The following ASZ1 variants were observed in gnomAD, a reference collection of about 807,000 sequenced individuals.
The protein encoded by ASZ1 is ankyrin repeat, SAM and basic leucine zipper domain-containing protein 1.
ASZ1 carries 67 observed loss-of-function variants against 61.8 expected under a neutral mutation model. The observed-to-expected ratio is 1.08, with a 90% CI of 0.89 to 1.33. ASZ1 has a LOEUF of 1.33. Ranked by LOEUF, ASZ1 falls within the 40% of genes most tolerant of loss-of-function variation. The probability of loss-of-function intolerance (pLI) is 0.00; values close to 1 mark genes in which losing one functional copy is unlikely to be tolerated. For synonymous variants in ASZ1, 193 were observed against 192.7 expected, an observed-to-expected ratio of 1.00 and a Z score of -0.01; for missense variants, 577 against 554.5, an observed-to-expected ratio of 1.04 and a Z score of -0.41.
At chr7:117,368,202 C>T (rs577750342) in intron 11 of ASZ1, 46 of 933,108 alleles carry the variant, frequency 4.9e-5, no homozygotes, top group African/African-American at 1.8e-5. Flanking sequence ...GTTGGGATTA[C>T]GGATGTGAGC....
intron 4 of ASZ1, among the ~76,000 whole-genome samples, chr7:117,397,781 C>A (rs1183541159): frequency 1.3e-5 from 2 of 152,230 alleles, no homozygotes; most frequent in Admixed American, 6.5e-5. Context: ...GGCTACTCCC[C>A]CTACAAGCCT....
At chr7:117,421,751 T>C (rs1465649459) in intron 3 of ASZ1, among the ~76,000 whole-genome samples, 1 of 152,188 alleles carries the variant, frequency 6.6e-6, no homozygotes, top group Non-Finnish European at 1.5e-5. Context: ...AGGAATTCAA[T>C]GTAATAATTA....
Position 117,384,803 on chromosome 7 carries a change from G to A in ASZ1, c.610C>T (p.Leu204Phe). The A allele has an allele frequency of 6.2e-7, 1 of 1,610,034 alleles. No individual in the cohort carries two copies. Among genetic ancestry groups the A allele is most frequent in the Non-Finnish European group, 8.5e-7 (1 of 1,178,586 alleles). The change falls in exon 6 of 13, where the codon CTT becomes TTT. Residue 204 changes from leucine (L) to phenylalanine (F), a missense_variant. Coordinates refer to ENST00000284629, the MANE Select transcript of ASZ1 (RefSeq NM_130768.3). ...HKNIVLKLLELGANKMLQTKD... is the reference protein window; with the variant it reads ...HKNIVLKLLEFGANKMLQTKD... ...GTTTGTAGCATTTTATTAGCTCCAA[G>A]TTCAAGCAACTTCAAAACTATATTT...
At chr7:117,405,554 G>A (rs974580777) in intron 4 of ASZ1, among the ~76,000 whole-genome samples, 15 of 152,190 alleles carry the variant, frequency 9.9e-5, no homozygotes, top group African/African-American at 3.6e-4. Flanking sequence ...CATGCAGTGG[G>A]CCTCATCCAT....
intron 6 of ASZ1, 99 bp downstream of exon 6, chr7:117,384,627 T>C: frequency 7.4e-7 from 1 of 1,354,090 alleles, no homozygotes; most frequent in Non-Finnish European, 1.0e-6. Context: ...CCAGATACAC[T>C]ATAATTACAC....
At chr7:117,416,972 A>G (rs1443575721) in intron 4 of ASZ1, among the ~76,000 whole-genome samples, 1 of 152,178 alleles carries the variant, frequency 6.6e-6, no homozygotes, top group African/African-American at 2.4e-5. Context: ...CCTAGAAATT[A>G]TCTTCCTGCT....
At chr7:117,370,849 T>TGTGA (rs1491399393) in intron 10 of ASZ1, among the ~76,000 whole-genome samples, 51 of 147,580 alleles carry the variant, frequency 3.5e-4, no homozygotes, top group Non-Finnish European at 4.6e-4. Flanking sequence ...TGTGTGTGTG[T>TGTGA]GACAGAGTCT....
At chr7:117,391,301 T>C (rs1022425674) in intron 4 of ASZ1, among the ~76,000 whole-genome samples, 1 of 152,230 alleles carries the variant, frequency 6.6e-6, no homozygotes, top group Non-Finnish European at 1.5e-5. Flanking sequence ...AGAAGCTCTT[T>C]AGTTTAATTA....
chr7:117,403,917 G>A (rs1216525950), intron 4 of ASZ1, among the ~76,000 whole-genome samples: 2 of 152,176 alleles, frequency 1.3e-5, no homozygotes, highest in African/African-American at 4.8e-5. Flanking sequence ...GAACCCTATT[G>A]TGAACTGCGC....
chr7:117,421,352 A>G lies in ASZ1; in HGVS notation c.328+885T>C, dbSNP rs138620221. ...CTCAGCCTTCTGAGTAGTTGAGACT[A>G]TAAGTGTGTGCCACCACCCCTGGCT... On this transcript the variant is annotated intron_variant, in intron 3 of 12. Coordinates refer to ENST00000284629, the MANE Select transcript of ASZ1 (RefSeq NM_130768.3). Among the ~76,000 whole-genome samples the G allele has an allele frequency of 2.3e-4, 35 of 152,224 alleles. No individual in the cohort carries two copies. The East Asian group carries it at 6.6e-3, about 29-fold the overall frequency.
intron 2 of ASZ1, among the ~76,000 whole-genome samples, chr7:117,425,814 C>A (rs997082409): frequency 2.0e-5 from 3 of 151,464 alleles, no homozygotes; most frequent in Non-Finnish European, 4.4e-5. Flanking sequence ...CATGGTGAAA[C>A]CCCCGTGTCT....
At chr7:117,366,195 C>T (rs752077380) in intron 12 of ASZ1, among the ~76,000 whole-genome samples, 2 of 151,650 alleles carry the variant, frequency 1.3e-5, no homozygotes, top group Non-Finnish European at 2.9e-5. Flanking sequence ...ATCTGGAAGG[C>T]GGAGGTTGCA....
chr7:117,426,488 C>CAAAAAAAAAAAAAAAAAAA (rs10625452), intron 2 of ASZ1, among the ~76,000 whole-genome samples: 30 of 33,960 alleles, frequency 8.8e-4, no homozygotes, highest in African/African-American at 1.0e-3. Context: ...GATAACATCT[C>CAAAAAAAAAAAAAAAAAAA]AAAAAAAAAA....
chr7:117,389,212 T>C (rs1315131457), intron 4 of ASZ1, among the ~76,000 whole-genome samples: 1 of 151,416 alleles, frequency 6.6e-6, no homozygotes, highest in East Asian at 1.9e-4. Context: ...CACGTTAAGG[T>C]TGGTTAATGG....
chr7:117,384,617 C>A, intron 6 of ASZ1, 109 bp downstream of exon 6: 1 of 1,263,174 alleles, frequency 7.9e-7, no homozygotes. Flanking sequence ...TTAATAATTG[C>A]CAGATACACT....
intron 12 of ASZ1, among the ~76,000 whole-genome samples, chr7:117,365,710 A>G (rs1467084908): frequency 6.6e-6 from 1 of 152,190 alleles, no homozygotes; most frequent in Non-Finnish European, 1.5e-5. Flanking sequence ...TCTAGATGAG[A>G]TATAATTTTT....
chr7:117,388,867 GATGTAT>G (rs1796409791), intron 4 of ASZ1, among the ~76,000 whole-genome samples: 1 of 152,116 alleles, frequency 6.6e-6, no homozygotes, highest in Non-Finnish European at 1.5e-5. Context: ...CAGACAGCAT[GATGTAT>G]ATAGAAAACC....
chr7:117,392,496 C>T (rs1003993894), intron 4 of ASZ1, among the ~76,000 whole-genome samples: 4 of 152,060 alleles, frequency 2.6e-5, no homozygotes, highest in Non-Finnish European at 4.4e-5. Flanking sequence ...TCAGCTTGAA[C>T]ATTATAGGTA....
chr7:117,389,090 T>A (rs1265424932), intron 4 of ASZ1, among the ~76,000 whole-genome samples: 1 of 152,178 alleles, frequency 6.6e-6, no homozygotes, highest in Non-Finnish European at 1.5e-5. Context: ...TTTGCATATA[T>A]GCATATATAA....
Sources: gnomAD v4.1 joint callset for allele counts (sites outside exome capture counted in the v4.1 genomes callset) on GRCh38, gnomAD v4.1.1 for gene constraint, MANE v1.5 for transcripts, NCBI Gene and HGNC (gene_info 2026-07-23, HGNC 2026-07-21) for gene names.